The following METTL9 variants were observed in gnomAD, a reference collection of about 807,000 sequenced individuals.
METTL9 encodes the protein protein-L-histidine N-pros-methyltransferase.
In METTL9, 10 loss-of-function variants were observed where a neutral mutation model predicts 36.0. The observed-to-expected ratio is 0.28, with a 90% CI of 0.17 to 0.47. METTL9 has a LOEUF of 0.47. Among genes scored for constraint, METTL9 ranks in the 20% least tolerant of loss-of-function variants. METTL9 has a pLI of 0.99. For synonymous variants in METTL9, 175 were observed against 149.7 expected (o/e 1.17, Z -1.23); for missense variants, 246 against 383.5 (o/e 0.64, Z 3.00).
At chr16:21,623,066 A>G (rs1439247627) in intron 3 of METTL9, among the ~76,000 whole-genome samples, 1 of 152,202 alleles carries the variant, frequency 6.6e-6, no homozygotes, top group Non-Finnish European at 1.5e-5. Flanking sequence ...TAGTCTTCTT[A>G]GTAATGTTTG....
chr16:21,628,901 T>G (rs1261282688), intron 4 of METTL9, among the ~76,000 whole-genome samples: 1 of 151,282 alleles, frequency 6.6e-6, no homozygotes, highest in Non-Finnish European at 1.5e-5. Flanking sequence ...TCTTTTTTTT[T>G]TTTTTGGAGA....
chr16:21,631,491 A>G (rs1031578300), intron 4 of METTL9, among the ~76,000 whole-genome samples: 2 of 152,304 alleles, frequency 1.3e-5, no homozygotes, highest in African/African-American at 4.8e-5. Flanking sequence ...AACAGCTTGC[A>G]AGTTTGAGCA....
chr16:21,599,784 G>T lies in METTL9; in HGVS notation c.51G>T (p.Leu17=). Residue 17 remains leucine (L), a synonymous_variant, in exon 1 of 5, where the codon CTG becomes CTT. Coordinates refer to ENST00000358154, the MANE Select transcript of METTL9 (RefSeq NM_016025.5). The surrounding 1 kb of genome is among the most constrained non-coding windows in gnomAD (Gnocchi z 4.4). The stretch of plus-strand genomic sequence containing the variant: ...GCCTGAGCCTGGCGTCCGTGTGGCT[G>T]GCGCGGAGGATGTGGACGCTGCGGA... ...WLCLSLASVW[L]ARRMWTLRSP... 1 of 1,548,786 alleles carries T rather than the reference G, an allele frequency of 6.5e-7. No homozygotes were observed. The highest frequency in any genetic ancestry group is 2.7e-5 in the East Asian group (1 of 37,706).
rs577989911 is a variant in METTL9 at position 21,612,965 on chromosome 16, T to C, written c.356+130T>C. On this transcript the variant is annotated intron_variant, in intron 2 of 4. Coordinates refer to ENST00000358154, the MANE Select transcript of METTL9 (RefSeq NM_016025.5). ...ACAATACTTCTACTAGTCAGAACCT[T>C]GGCAGTTGGTCCAGCGTTCTATCTT... is the stretch of plus-strand genomic sequence containing the variant. 192 of 780,720 alleles carry C rather than the reference T, an allele frequency of 2.5e-4. 1 individual carries two copies. The African/African-American group carries it at 3.2e-3, about 13-fold the overall frequency. The allele number at this position is 780,720 out of a possible 1,614,324, so 48.4% of individuals were successfully genotyped here.
At chr16:21,611,824 T>G (rs544212976) in intron 1 of METTL9, among the ~76,000 whole-genome samples, 1 of 152,342 alleles carries the variant, frequency 6.6e-6, no homozygotes, top group Non-Finnish European at 1.5e-5. Context: ...TCCCCACCTC[T>G]CTGGTATGCT....
intron 4 of METTL9, among the ~76,000 whole-genome samples, chr16:21,628,419 T>G (rs1156560955): frequency 6.6e-6 from 1 of 152,212 alleles, no homozygotes; most frequent in Admixed American, 6.5e-5. Context: ...AGAGGAGGTC[T>G]CTAGATAGCA....
chr16:21,634,956 G>A (rs1966050104), intron 4 of METTL9, among the ~76,000 whole-genome samples: 1 of 152,114 alleles, frequency 6.6e-6, no homozygotes, highest in Admixed American at 6.5e-5. Context: ...GTCCCAGTGG[G>A]GATCTGTACT....
At chr16:21,622,152 T>TTTTTTTTTTTTTTTTTTTTTTTTTTG (rs1965718821) in intron 3 of METTL9, among the ~76,000 whole-genome samples, 1 of 118,170 alleles carries the variant, frequency 8.5e-6, no homozygotes, top group Non-Finnish European at 1.7e-5. Context: ...TTTTTTTTTT[T>TTTTTTTTTTTTTTTTTTTTTTTTTTG]TTTTTTTTTT....
chr16:21,614,331 T>C (rs776502318), intron 2 of METTL9, among the ~76,000 whole-genome samples: 1 of 152,184 alleles, frequency 6.6e-6, no homozygotes, highest in Non-Finnish European at 1.5e-5. Context: ...AGGAATCCTC[T>C]CTTCAAAAAG....
In METTL9 at chr16:21,657,290, TTTG is replaced by T. The variant is rs1334108985; in HGVS notation, c.*1860_*1862del. ...AAAACCAGCTTATTAAAAGTGCTGT[TTTG>T]TGGTGAAAATTGAAACCAAATCCAC... On this transcript the variant is annotated 3_prime_UTR_variant, in exon 5 of 5. Coordinates refer to ENST00000358154, the MANE Select transcript of METTL9 (RefSeq NM_016025.5). 2 of 152,168 alleles carry T rather than the reference TTTG, an allele frequency of 1.3e-5. No individual in the cohort carries two copies. The highest frequency in any genetic ancestry group is 2.9e-5 in the Non-Finnish European group (2 of 68,032). The allele number at this position is 152,168 out of a possible 1,614,324, so 9.4% of individuals were successfully genotyped here.
intron 4 of METTL9, among the ~76,000 whole-genome samples, chr16:21,631,333 AACTTT>A (rs1241607945): frequency 1.3e-5 from 2 of 152,182 alleles, no homozygotes; most frequent in Non-Finnish European, 2.9e-5. Flanking sequence ...ACTTTTAGCA[AACTTT>A]ACTTTTGTTG....
Position 21,655,161 on chromosome 16 carries a change from C to T in METTL9, c.752-66C>T. The stretch of plus-strand genomic sequence containing the variant: ...CAAGTCCTTGGTAGATATGGCTCCT[C>T]CCTGCTTCCCTCTTTAAATCACTTG... On this transcript the variant is annotated intron_variant, in intron 4 of 4. Coordinates refer to ENST00000358154, the MANE Select transcript of METTL9 (RefSeq NM_016025.5). The T allele has an allele frequency of 1.4e-6, 2 of 1,457,814 alleles. 1 individual carries two copies. The highest frequency in any genetic ancestry group is 1.9e-6 in the Non-Finnish European group (2 of 1,054,952). 90.3% of individuals were successfully genotyped at this position (1,457,814 alleles called of 1,614,324 possible).
intron 1 of METTL9, among the ~76,000 whole-genome samples, chr16:21,602,138 G>A (rs753186469): frequency 6.6e-6 from 1 of 152,146 alleles, no homozygotes; most frequent in Non-Finnish European, 1.5e-5. Context: ...TCTTCTAAGT[G>A]TTCAGTTGGG....
chr16:21,632,943 C>T (rs1321779162), intron 4 of METTL9, among the ~76,000 whole-genome samples: 1 of 152,134 alleles, frequency 6.6e-6, no homozygotes, highest in African/African-American at 2.4e-5. Context: ...AAAGTCAGAG[C>T]TTATACTAGG....
intron 1 of METTL9, among the ~76,000 whole-genome samples, chr16:21,609,664 A>T (rs1965381505): frequency 6.6e-6 from 1 of 152,098 alleles, no homozygotes; most frequent in Admixed American, 6.6e-5. Context: ...CCTTCCAGAA[A>T]AAAGAAGGAA....
Position 21,615,628 on chromosome 16 carries a change from T to C in METTL9, c.357-2237T>C, listed in dbSNP as rs558569003. ...TTTATAATTATCATGTCAAGATTCC[T>C]CACATCCCAAGGAGATGGCTTGGGA... On this transcript the variant is annotated intron_variant, in intron 2 of 4. Coordinates refer to ENST00000358154, the MANE Select transcript of METTL9 (RefSeq NM_016025.5). Among the ~76,000 whole-genome samples, 3 of 152,280 alleles carry C rather than the reference T, an allele frequency of 2.0e-5. No individual in the cohort carries two copies. The East Asian group carries it at 5.8e-4, about 29-fold the overall frequency.
At chr16:21,643,130 G>A in intron 4 of METTL9, 1 of 1,607,732 alleles carries the variant, frequency 6.2e-7, no homozygotes, top group Non-Finnish European at 8.5e-7. Context: ...GCAATTTCCT[G>A]AAAAATACGC....
chr16:21,628,814 AAAATATTACTACTTT>A (rs1289773036), intron 4 of METTL9, among the ~76,000 whole-genome samples: 1 of 151,990 alleles, frequency 6.6e-6, no homozygotes, highest in Non-Finnish European at 1.5e-5. Flanking sequence ...AACTTTAATG[AAAATATTACTACTTT>A]AAATATGATG....
chr16:21,645,478 C>T (rs1332270017), intron 4 of METTL9, among the ~76,000 whole-genome samples: 1 of 152,060 alleles, frequency 6.6e-6, no homozygotes, highest in Non-Finnish European at 1.5e-5. Flanking sequence ...AAAGAAAAAT[C>T]CCATAGATGC....
Sources: gnomAD v4.1 joint callset for allele counts (sites outside exome capture counted in the v4.1 genomes callset) on GRCh38, gnomAD v4.1.1 for gene constraint, Gnocchi (gnomAD v3.1) non-coding constraint, MANE v1.5 for transcripts, NCBI Gene and HGNC (gene_info 2026-07-23, HGNC 2026-07-21) for gene names.